The following MEF2B variants were observed in gnomAD, a reference collection of about 807,000 sequenced individuals.
The protein encoded by MEF2B is myocyte enhancer factor 2B, also known as myocyte-specific enhancer factor 2B.
In MEF2B, 15 loss-of-function variants were observed where a neutral mutation model predicts 32.2. The observed-to-expected ratio is 0.47, with a 90% confidence interval of 0.31 to 0.72. MEF2B has a LOEUF of 0.72. MEF2B is among the 30% of genes least tolerant of loss of function. The pLI, the probability that MEF2B is intolerant of heterozygous loss-of-function variation, is 0.05. For missense variants in MEF2B, 441 were observed against 511.5 expected (o/e 0.86, Z 1.33); for synonymous variants, 205 against 225.6 (o/e 0.91, Z 0.82).
At chr19:19,161,980 G>A (rs181098134) in intron 1 of MEF2B, among the ~76,000 whole-genome samples, 33 of 151,948 alleles carry the variant, frequency 2.2e-4, no homozygotes, top group African/African-American at 8.0e-4. Context: ...GCTAATGTTT[G>A]TATTTTTAGT....
At chr19:19,150,438 C>A (rs928453759) in intron 2 of MEF2B, among the ~76,000 whole-genome samples, 1 of 149,590 alleles carries the variant, frequency 6.7e-6, no homozygotes, top group African/African-American at 2.5e-5. Flanking sequence ...GAGGAAGAAT[C>A]GTTTGAACCC....
chr19:19,160,889 C>T (rs954969619), intron 1 of MEF2B, among the ~76,000 whole-genome samples: 11 of 152,042 alleles, frequency 7.2e-5, no homozygotes, highest in African/African-American at 1.7e-4. Context: ...GCCCTGGGCC[C>T]GCCTCCTCCC....
chr19:19,145,858 T>C lies in MEF2B; in HGVS notation c.1046A>G (p.Glu349Gly), dbSNP rs2060020640. ...YPLLLARSLA[E>G]PLRPGPALRR... ...CAGGGCGGGCCCAGGCCGCAGAGGC[T>C]CTGCCAGGGACCGGGCGAGGAGCAA... Residue 349 changes from glutamate to glycine, a missense_variant, in exon 9 of 9, where the codon GAG (glutamate) becomes GGG (glycine). Glu to Gly is a moderately conservative substitution (Grantham distance 98). This residue lies in a region of MEF2B where 326 missense variants were observed against 328.4 expected (regional missense o/e 0.99). Transcript: ENST00000424583. The surrounding 1 kb of genome is among the most constrained non-coding windows in gnomAD (Gnocchi z 4.6). 1 of 1,494,172 alleles carries C rather than the reference T, an allele frequency of 6.7e-7. No individual in the cohort carries two copies. Among genetic ancestry groups the C allele is most frequent in the African/African-American group, 1.4e-5 (1 of 70,926 alleles). 92.6% of individuals were successfully genotyped at this position (1,494,172 alleles called of 1,614,324 possible). A position where few individuals can be genotyped will look rare whatever the true frequency, so the allele number is the denominator to read the frequency against.
chr19:19,161,766 C>T (rs985123791), intron 1 of MEF2B, among the ~76,000 whole-genome samples: 2 of 150,588 alleles, frequency 1.3e-5, no homozygotes, highest in African/African-American at 2.4e-5. Context: ...AGGGCCCCCC[C>T]ATCCCTGCAG....
At chr19:19,152,124 C>G (rs998987433) in intron 1 of MEF2B, among the ~76,000 whole-genome samples, 2 of 151,860 alleles carry the variant, frequency 1.3e-5, no homozygotes, top group African/African-American at 4.8e-5. Context: ...CTATGCCCAG[C>G]TAATTTTTGT....
rs950116957 is a variant in MEF2B, at chr19:19,150,724, T to C, written c.12A>G (p.Lys4=). 6.2e-7 allele frequency: 1 copy of C among 1,614,080 alleles called. No individual in the cohort carries two copies. Among genetic ancestry groups the C allele is most frequent in the South Asian group, 1.1e-5 (1 of 91,076 alleles). ...CCAGGATGCGGGAGATCTGGATTTT[T>C]TTCCTCCCCATCGTCCCAGGCTGAG... MGR[K]KIQISRILDQ... Residue 4 remains lysine, a synonymous_variant, in exon 2 of 9, where the codon AAA becomes AAG. Transcript: ENST00000424583.
At chr19:19,155,271 AC>A (rs1284040045) in intron 1 of MEF2B, among the ~76,000 whole-genome samples, 1 of 151,990 alleles carries the variant, frequency 6.6e-6, no homozygotes, top group African/African-American at 2.4e-5. Context: ...GACTAGAAGG[AC>A]CCTTTCCCCT....
In MEF2B at chr19:19,150,584, T is replaced by C. The variant is rs1465312475; in HGVS notation, c.54+98A>G. The C allele has an allele frequency of 4.0e-6, 6 of 1,494,590 alleles. No individual in the cohort carries two copies. The African/African-American group carries it at 5.6e-5, about 14-fold the overall frequency. 92.6% of individuals were successfully genotyped at this position (1,494,590 alleles called of 1,614,324 possible). A position where few individuals can be genotyped will look rare whatever the true frequency, so the allele number is the denominator to read the frequency against. ...CATCAGGACTCCTCATGCCTCCTCA[T>C]TCCCCTGCAGTTCAATTGGTCAGGT... is the stretch of plus-strand genomic sequence containing the variant. On this transcript the variant is annotated intron_variant, in intron 2 of 8. Coordinates refer to ENST00000424583, the MANE Select transcript of MEF2B (RefSeq NM_001145785.2).
chr19:19,165,384 A>C (rs1317357938), intron 1 of MEF2B, among the ~76,000 whole-genome samples: 2 of 152,100 alleles, frequency 1.3e-5, no homozygotes, highest in East Asian at 1.9e-4. Context: ...CGGAGATTGC[A>C]GTGAGCCGAG....
Position 19,165,333 on chromosome 19 carries a change from C to T in MEF2B, c.-30+4872G>A, listed in dbSNP as rs116096379. Among the ~76,000 whole-genome samples the T allele has an allele frequency of 4.8e-3, 738 of 152,250 alleles. 6 individuals carry two copies. The highest frequency in any genetic ancestry group is 0.017 in the African/African-American group (721 of 41,538). On this transcript the variant is annotated intron_variant, in intron 1 of 8. Transcript: ENST00000424583. ...GGTACCACACCTGTAATCCCGGCTACTCAGGAGGCTGAGGTATGAGAATTG... is the reference window on the plus strand; with the variant it reads ...GGTACCACACCTGTAATCCCGGCTATTCAGGAGGCTGAGGTATGAGAATTG...
At chr19:19,163,595 C>T (rs1176200424) in intron 1 of MEF2B, among the ~76,000 whole-genome samples, 7 of 152,304 alleles carry the variant, frequency 4.6e-5, no homozygotes, top group African/African-American at 9.6e-5. Context: ...CTTGAATCAA[C>T]GACCAAACAA....
intron 1 of MEF2B, 121 bp from the exon 2 acceptor site, chr19:19,150,885 T>C: frequency 8.0e-7 from 1 of 1,252,878 alleles, no homozygotes; most frequent in Non-Finnish European, 1.1e-6. Context: ...ATGGGGAAAA[T>C]CAAGGCAGGC....
intron 1 of MEF2B, among the ~76,000 whole-genome samples, chr19:19,168,529 TC>T (rs1366674280): frequency 6.6e-6 from 1 of 151,858 alleles, no homozygotes; most frequent in African/African-American, 2.4e-5. Flanking sequence ...CGCCTCAGCC[TC>T]CCAAAGTGCT....
chr19:19,150,206 A>AGGAG (rs1225177126), intron 2 of MEF2B, among the ~76,000 whole-genome samples: 3 of 121,192 alleles, frequency 2.5e-5, no homozygotes, highest in Admixed American at 8.4e-5. Context: ...GAAGGAAGGA[A>AGGAG]GGAGGGAAGG....
chr19:19,150,832 A>G lies in MEF2B; in HGVS notation c.-29-68T>C. 5 of 1,555,096 alleles carry G rather than the reference A, an allele frequency of 3.2e-6. No homozygotes were observed. In the South Asian group the frequency reaches 3.4e-5, roughly 11 times the overall value. On this transcript the variant is annotated intron_variant, in intron 1 of 8. Transcript: ENST00000424583. ...GTGGGGAGGGGTACCCCAGCCTCAC[A>G]CCTCTCCTCTGTCTGCCCCTGCCAG...
intron 1 of MEF2B, among the ~76,000 whole-genome samples, chr19:19,152,813 T>C (rs2060093961): frequency 6.6e-6 from 1 of 151,906 alleles, no homozygotes; most frequent in African/African-American, 2.4e-5. Flanking sequence ...GGCCCAGAAG[T>C]GTTAGATACC....
intron 1 of MEF2B, among the ~76,000 whole-genome samples, chr19:19,168,384 C>A (rs2060226740): frequency 6.7e-6 from 1 of 149,948 alleles, no homozygotes; most frequent in South Asian, 2.1e-4. Flanking sequence ...AGCGATTCTC[C>A]TGCCTCAGCC....
intron 1 of MEF2B, among the ~76,000 whole-genome samples, chr19:19,160,085 C>T (rs2060149139): frequency 1.3e-5 from 2 of 151,712 alleles, no homozygotes; most frequent in South Asian, 4.2e-4. Context: ...TGTCCTGCCT[C>T]AGACTCCCGA....
intron 1 of MEF2B, among the ~76,000 whole-genome samples, chr19:19,154,096 C>T (rs1246253975): frequency 6.6e-6 from 1 of 151,834 alleles, no homozygotes; most frequent in Non-Finnish European, 1.5e-5. Flanking sequence ...GGATTTTGGT[C>T]TAAGAGTGAT....
Sources: gnomAD v4.1 joint callset for allele counts (sites outside exome capture counted in the v4.1 genomes callset) on GRCh38, gnomAD v4.1.1 for gene constraint, gnomAD v4.1.1 regional missense constraint, Gnocchi (gnomAD v3.1) non-coding constraint, MANE v1.5 for transcripts, NCBI Gene and HGNC (gene_info 2026-07-23, HGNC 2026-07-21) for gene names.